The following INPP4B variants were observed in gnomAD, a reference collection of about 807,000 sequenced individuals.
The protein encoded by INPP4B is inositol polyphosphate 4-phosphatase type II.
A neutral mutation model predicts 122.5 loss-of-function variants in INPP4B; 55 were observed. That is an observed-to-expected ratio of 0.45 (90% CI 0.36 to 0.56). The LOEUF (loss-of-function observed/expected upper bound fraction) is 0.56, where lower values mean the gene tolerates loss of function less well. INPP4B is among the 20% of genes least tolerant of loss of function. The pLI, the probability that INPP4B is intolerant of heterozygous loss-of-function variation, is 0.00. For missense variants in INPP4B, 1,000 were observed against 1,097.7 expected (o/e 0.91, Z 1.26); for synonymous variants, 403 against 388.7 (o/e 1.04, Z -0.43).
At chr4:142,196,737 C>G (rs1324226747) in intron 14 of INPP4B, among the ~76,000 whole-genome samples, 1 of 152,090 alleles carries the variant, frequency 6.6e-6, no homozygotes, top group East Asian at 1.9e-4. Context: ...CTTAATTCCT[C>G]CTTATAAATG....
rs76805513 is a variant in INPP4B at position 142,465,159 on chromosome 4, T to C, written c.-190-2433A>G. Among the ~76,000 whole-genome samples, 954 of 152,284 alleles carry C rather than the reference T, an allele frequency of 6.3e-3. 15 individuals carry two copies. Among genetic ancestry groups the C allele is most frequent in the African/African-American group, 0.022 (900 of 41,562 alleles). On this transcript the variant is annotated intron_variant, in intron 2 of 25. Transcript: ENST00000262992. The stretch of plus-strand genomic sequence containing the variant: ...ATGAATAGATACATCAAATATAAAC[T>C]GGATAACTGTGCAAGTCTAAAGGAC...
intron 22 of INPP4B, among the ~76,000 whole-genome samples, chr4:142,111,073 T>G (rs928015642): frequency 6.6e-6 from 1 of 152,134 alleles, no homozygotes; most frequent in African/African-American, 2.4e-5. Flanking sequence ...AATATATATA[T>G]AGATAAATAG....
rs536508031 is a variant in INPP4B at position 142,670,357 on chromosome 4, C to A, written c.-191+55482G>T. Among the ~76,000 whole-genome samples the A allele has an allele frequency of 6.2e-4, 95 of 152,172 alleles. 3 individuals carry two copies. In the South Asian group the frequency reaches 0.019, roughly 30 times the overall value. ...ATCTACATTTCCATGTTTATTGCAGCATTATACACAATAGTCAAGGTACTG... is the reference window on the plus strand; with the variant it reads ...ATCTACATTTCCATGTTTATTGCAGAATTATACACAATAGTCAAGGTACTG... On this transcript the variant is annotated intron_variant, in intron 2 of 25. Transcript: ENST00000262992.
chr4:142,089,289 T>G (rs1292232719), intron 23 of INPP4B, among the ~76,000 whole-genome samples: 1 of 152,162 alleles, frequency 6.6e-6, no homozygotes, highest in Non-Finnish European at 1.5e-5. Flanking sequence ...TCAAACAGTT[T>G]TGAAAGCAAT....
At chr4:142,819,263 A>G (rs1477889861) in intron 1 of INPP4B, among the ~76,000 whole-genome samples, 1 of 152,212 alleles carries the variant, frequency 6.6e-6, no homozygotes, top group Non-Finnish European at 1.5e-5. Flanking sequence ...CTAAAGGGCT[A>G]CATCCAGGGT....
intron 2 of INPP4B, among the ~76,000 whole-genome samples, chr4:142,484,871 T>C (rs991091252): frequency 6.6e-5 from 10 of 152,130 alleles, no homozygotes; most frequent in Admixed American, 6.6e-4. Flanking sequence ...TTTGTTTAGA[T>C]GTTATAAAAA....
chr4:142,725,533 G>C (rs76980820), intron 2 of INPP4B, among the ~76,000 whole-genome samples: 3,755 of 152,040 alleles, frequency 0.025, 60 homozygotes, highest in Middle Eastern at 0.095. Context: ...AAACCAATTG[G>C]ATTTATTTCC....
chr4:142,212,418 T>G (rs1242319373), intron 12 of INPP4B, among the ~76,000 whole-genome samples: 1 of 152,208 alleles, frequency 6.6e-6, no homozygotes, highest in East Asian at 1.9e-4. Flanking sequence ...GTTGCAGACC[T>G]AAATCCTGAT....
intron 13 of INPP4B, 69 bp downstream of exon 13, chr4:142,208,827 A>ATT (rs139680025): frequency 1.1e-4 from 126 of 1,097,628 alleles, no homozygotes; most frequent in Non-Finnish European, 1.3e-4. Flanking sequence ...TCTATTTATT[A>ATT]TTTTTTTTTT....
chr4:142,066,146 C>T (rs1264196118), intron 25 of INPP4B, among the ~76,000 whole-genome samples: 1 of 152,146 alleles, frequency 6.6e-6, no homozygotes, highest in African/African-American at 2.4e-5. Flanking sequence ...GAATTAATTT[C>T]TAATTATGAA....
chr4:142,246,701 G>C (rs1046204283), intron 11 of INPP4B, among the ~76,000 whole-genome samples: 5 of 152,164 alleles, frequency 3.3e-5, no homozygotes, highest in Non-Finnish European at 7.3e-5. Context: ...TTGGGGCTAA[G>C]TCGATGGGGT....
intron 18 of INPP4B, among the ~76,000 whole-genome samples, chr4:142,144,552 T>G (rs1809655666): frequency 1.3e-5 from 2 of 152,088 alleles, no homozygotes; most frequent in African/African-American, 4.8e-5. Flanking sequence ...AGCTTTCATT[T>G]TGATTCATGT....
At chr4:142,713,403 A>G (rs1252695671) in intron 2 of INPP4B, among the ~76,000 whole-genome samples, 1 of 152,246 alleles carries the variant, frequency 6.6e-6, no homozygotes, top group Non-Finnish European at 1.5e-5. Context: ...GAAAGAGTCT[A>G]CTGCATTTGG....
At chr4:142,462,548 T>C (rs1274757921) in intron 3 of INPP4B, 115 bp downstream of exon 3, 1 of 152,212 alleles carries the variant, frequency 6.6e-6, no homozygotes, top group African/African-American at 2.4e-5. Context: ...GTCACACATA[T>C]GCTAAAACAC....
At chr4:142,178,320 G>T (rs1257207229) in intron 15 of INPP4B, among the ~76,000 whole-genome samples, 1 of 152,060 alleles carries the variant, frequency 6.6e-6, no homozygotes, top group East Asian at 1.9e-4. Context: ...CTACCACTAG[G>T]ATTATTGTAA....
intron 10 of INPP4B, among the ~76,000 whole-genome samples, chr4:142,262,748 A>G (rs963613811): frequency 1.3e-5 from 2 of 152,164 alleles, no homozygotes; most frequent in Non-Finnish European, 2.9e-5. Context: ...AATATTCTCT[A>G]TAAGTTAAGG....
At chr4:142,731,231 G>T (rs570987156) in intron 1 of INPP4B, among the ~76,000 whole-genome samples, 18 of 152,182 alleles carry the variant, frequency 1.2e-4, no homozygotes, top group Admixed American at 3.9e-4. Flanking sequence ...AGATGGAAAA[G>T]AAGCAGAAAA....
intron 7 of INPP4B, among the ~76,000 whole-genome samples, chr4:142,376,851 C>T (rs75461405): frequency 2.1e-3 from 319 of 152,102 alleles, no homozygotes; most frequent in African/African-American, 7.3e-3. Context: ...CATGGTAATA[C>T]GACAAGGTCC....
chr4:142,314,597 C>G (rs1433144577), intron 8 of INPP4B, 115 bp downstream of exon 8: 2 of 933,510 alleles, frequency 2.1e-6, no homozygotes, highest in East Asian at 2.6e-5. Context: ...AGAGCCACAC[C>G]CTGTTAATGT....
Sources: gnomAD v4.1 joint callset for allele counts (sites outside exome capture counted in the v4.1 genomes callset) on GRCh38, gnomAD v4.1.1 for gene constraint, MANE v1.5 for transcripts, NCBI Gene and HGNC (gene_info 2026-07-23, HGNC 2026-07-21) for gene names.